Variants in MAGI2 observed in about 807,000 individuals in gnomAD.
MAGI2 encodes the protein membrane associated guanylate kinase, WW and PDZ domain containing 2, also known as membrane-associated guanylate kinase, WW and PDZ domain-containing protein 2.
In MAGI2, 35 loss-of-function variants were observed where a neutral mutation model predicts 133.3. That is an observed-to-expected ratio of 0.26 (90% CI 0.20 to 0.35). MAGI2 has a LOEUF of 0.35. Ranked by LOEUF, MAGI2 falls within the 10% of genes least tolerant of loss-of-function variation. The pLI is 1.00. For missense variants in MAGI2, 1,636 were observed against 1,863.4 expected (o/e 0.88, Z 2.25); for synonymous variants, 729 against 710.6 (o/e 1.03, Z -0.41).
chr7:78,976,758 T>A (rs1804294295), intron 2 of MAGI2, among the ~76,000 whole-genome samples: 2 of 151,178 alleles, frequency 1.3e-5, no homozygotes, highest in South Asian at 4.1e-4. Context: ...ATAGCAAGGT[T>A]GCAGGATTAA....
intron 1 of MAGI2, among the ~76,000 whole-genome samples, chr7:79,008,042 AT>A (rs1159906762): frequency 3.3e-4 from 50 of 152,252 alleles, no homozygotes; most frequent in African/African-American, 1.2e-3. Context: ...TTGTTAACTT[AT>A]AAAGATTTAT....
chr7:78,402,714 G>A (rs1159722601), intron 6 of MAGI2, among the ~76,000 whole-genome samples: 1 of 152,072 alleles, frequency 6.6e-6, no homozygotes, highest in African/African-American at 2.4e-5. Context: ...TTTAATTCTT[G>A]CTCAAATTAA....
intron 2 of MAGI2, among the ~76,000 whole-genome samples, chr7:78,690,747 A>G (rs1816868503): frequency 6.6e-6 from 1 of 152,202 alleles, no homozygotes; most frequent in African/African-American, 2.4e-5. Flanking sequence ...GCCTCTCAGG[A>G]AAGTGGGAGA....
intron 7 of MAGI2, among the ~76,000 whole-genome samples, chr7:78,354,729 G>C (rs1291658044): frequency 6.6e-6 from 1 of 152,130 alleles, no homozygotes; most frequent in Non-Finnish European, 1.5e-5. Flanking sequence ...CCTTTTATAT[G>C]CTAGAATGGG....
At chr7:78,615,880 G>A (rs768085172) in intron 3 of MAGI2, 1 of 152,052 alleles carries the variant, frequency 6.6e-6, no homozygotes, top group Non-Finnish European at 1.5e-5. Flanking sequence ...TCAGTGAAAG[G>A]AATCAAACTT....
At chr7:78,629,850 T>G (rs1023573929) in intron 2 of MAGI2, among the ~76,000 whole-genome samples, 1 of 152,130 alleles carries the variant, frequency 6.6e-6, no homozygotes, top group African/African-American at 2.4e-5. Context: ...TTCCTAATTT[T>G]TCTTATCTGC....
chr7:78,622,963 A>C (rs563423659), intron 3 of MAGI2, among the ~76,000 whole-genome samples: 1 of 152,076 alleles, frequency 6.6e-6, no homozygotes, highest in Non-Finnish European at 1.5e-5. Context: ...CTAAAGTGCC[A>C]GTACTGAAAA....
chr7:78,067,362 G>A (rs1813943547), intron 21 of MAGI2, among the ~76,000 whole-genome samples: 1 of 152,200 alleles, frequency 6.6e-6, no homozygotes, highest in South Asian at 2.1e-4. Flanking sequence ...TTGCTGTGAA[G>A]GCTGGAGTAG....
At chr7:78,052,442 C>G (rs1812113166) in intron 21 of MAGI2, among the ~76,000 whole-genome samples, 1 of 152,184 alleles carries the variant, frequency 6.6e-6, no homozygotes, top group Admixed American at 6.5e-5. Flanking sequence ...AAGCCCTCAC[C>G]AGAGGCAGAT....
At chr7:79,041,246 A>G (rs890420253) in intron 1 of MAGI2, among the ~76,000 whole-genome samples, 13 of 152,146 alleles carry the variant, frequency 8.5e-5, no homozygotes, top group Admixed American at 7.9e-4. Flanking sequence ...TTTTTCTAAC[A>G]TTTATATATT....
At chr7:78,479,234 A>G (rs1403009439) in intron 6 of MAGI2, among the ~76,000 whole-genome samples, 1 of 151,952 alleles carries the variant, frequency 6.6e-6, no homozygotes, top group Non-Finnish European at 1.5e-5. Context: ...GTGGTTCTAA[A>G]TCTGTTTGGG....
chr7:78,211,773 T>C (rs1787788750), intron 10 of MAGI2, among the ~76,000 whole-genome samples: 1 of 152,252 alleles, frequency 6.6e-6, no homozygotes, highest in Non-Finnish European at 1.5e-5. Flanking sequence ...AACAGATGCA[T>C]GTTATTTTTC....
intron 2 of MAGI2, among the ~76,000 whole-genome samples, chr7:78,962,428 T>A (rs1802921985): frequency 6.6e-6 from 1 of 151,962 alleles, no homozygotes; most frequent in African/African-American, 2.4e-5. Context: ...AAGGAACAGA[T>A]CATCATAGAG....
intron 1 of MAGI2, among the ~76,000 whole-genome samples, chr7:79,100,505 C>A (rs1007343833): frequency 2.6e-5 from 4 of 151,112 alleles, no homozygotes; most frequent in Non-Finnish European, 5.9e-5. Flanking sequence ...ATATAATTTT[C>A]TTAGCCATTT....
intron 2 of MAGI2, among the ~76,000 whole-genome samples, chr7:78,781,938 T>C (rs1826433708): frequency 6.6e-6 from 1 of 152,204 alleles, no homozygotes; most frequent in Admixed American, 6.5e-5. Flanking sequence ...TCTTAACCCC[T>C]TGGAAGTTCC....
chr7:79,120,871 T>C (rs532725590), intron 1 of MAGI2, among the ~76,000 whole-genome samples: 1 of 152,234 alleles, frequency 6.6e-6, no homozygotes, highest in African/African-American at 2.4e-5. Flanking sequence ...CATTTATATA[T>C]ACTTCTCTGG....
At chr7:79,172,724 G>A (rs80056420) in intron 1 of MAGI2, among the ~76,000 whole-genome samples, 17,786 of 151,878 alleles carry the variant, frequency 0.12, 1,938 homozygotes, top group African/African-American at 0.28. Flanking sequence ...ATAAAGCATT[G>A]GAGATGTGCA....
At chr7:78,573,701 G>GA (rs74977107) in intron 3 of MAGI2, among the ~76,000 whole-genome samples, 13 of 149,504 alleles carry the variant, frequency 8.7e-5, no homozygotes, top group South Asian at 2.1e-4. Flanking sequence ...AATTGGATTA[G>GA]AAAAAAAAAA....
At chr7:79,051,926 A>G (rs1812711829) in intron 1 of MAGI2, among the ~76,000 whole-genome samples, 1 of 152,036 alleles carries the variant, frequency 6.6e-6, no homozygotes, top group South Asian at 2.1e-4. Context: ...ATATATATGT[A>G]TTTAGTTTTA....
Sources: gnomAD v4.1 joint callset for allele counts (sites outside exome capture counted in the v4.1 genomes callset) on GRCh38, gnomAD v4.1.1 for gene constraint, MANE v1.5 for transcripts, NCBI Gene and HGNC (gene_info 2026-07-23, HGNC 2026-07-21) for gene names.